Variants in ZFAND3 observed in about 807,000 individuals in gnomAD.
The protein encoded by ZFAND3 is AN1-type zinc finger protein 3.
Under a neutral mutation model 29.6 loss-of-function variants are expected in ZFAND3, and 10 were observed. The ratio of observed to expected loss-of-function variants is 0.34; its 90% CI spans 0.21 to 0.57. The LOEUF (loss-of-function observed/expected upper bound fraction) is 0.57, where lower values mean the gene tolerates loss of function less well. Ranked by LOEUF, ZFAND3 falls within the 20% of genes least tolerant of loss-of-function variation. The pLI, the probability that ZFAND3 is intolerant of heterozygous loss-of-function variation, is 0.86. For synonymous variants in ZFAND3, 128 were observed against 112.6 expected, an observed-to-expected ratio of 1.14 and a Z score of -0.87; for missense variants, 230 against 304.5, an observed-to-expected ratio of 0.76 and a Z score of 1.82.
At chr6:37,942,888 A>G (rs1306881142) in intron 2 of ZFAND3, among the ~76,000 whole-genome samples, 3 of 152,160 alleles carry the variant, frequency 2.0e-5, no homozygotes, top group Non-Finnish European at 1.5e-5. Context: ...AATAAGGAAA[A>G]CATAAAACTT....
intron 2 of ZFAND3, among the ~76,000 whole-genome samples, chr6:38,049,966 TTTGGG>T (rs1763992869): frequency 4.5e-5 from 1 of 22,464 alleles, no homozygotes; most frequent in Non-Finnish European, 8.9e-5. Context: ...TTTTTTTTTT[TTTGGG>T]GGAGACAGAG....
chr6:37,976,783 G>A (rs928596812), intron 2 of ZFAND3, among the ~76,000 whole-genome samples: 6 of 152,026 alleles, frequency 3.9e-5, no homozygotes, highest in Non-Finnish European at 5.9e-5. Context: ...AACACCATGA[G>A]CTCTTGTGAG....
intron 5 of ZFAND3, among the ~76,000 whole-genome samples, chr6:38,130,111 AG>A (rs1370483179): frequency 6.6e-6 from 1 of 152,098 alleles, no homozygotes; most frequent in East Asian, 1.9e-4. Context: ...CTATTGTAAA[AG>A]GGGTTGAGTT....
In ZFAND3 at chr6:37,914,568, G is replaced by A. The variant is rs150945626; in HGVS notation, c.72-15391G>A. 9.0e-3 allele frequency among the ~76,000 whole-genome samples: 1,372 copies of A among 152,060 alleles called. 68 individuals carry two copies. Among genetic ancestry groups the A allele is most frequent in the Admixed American group, 0.072 (1,101 of 15,292 alleles). On this transcript the variant is annotated intron_variant, in intron 1 of 5. Coordinates refer to ENST00000287218, the MANE Select transcript of ZFAND3 (RefSeq NM_021943.3). The stretch of plus-strand genomic sequence containing the variant: ...TGGCCAGGCTGGTCTTGAAATCCTG[G>A]CCTCAAGTGATCAGCCTGCCTTGGC...
intron 2 of ZFAND3, among the ~76,000 whole-genome samples, chr6:37,960,396 G>T (rs1258305864): frequency 6.6e-6 from 1 of 152,190 alleles, no homozygotes; most frequent in African/African-American, 2.4e-5. Flanking sequence ...TCAAGTCTAT[G>T]TGGGCAGCAA....
chr6:37,850,142 T>A (rs1211607918), intron 1 of ZFAND3, among the ~76,000 whole-genome samples: 1 of 152,194 alleles, frequency 6.6e-6, no homozygotes, highest in East Asian at 1.9e-4. Context: ...GAGTATCTTA[T>A]CTGAATTGGA....
chr6:38,121,286 G>C (rs1765528765), intron 5 of ZFAND3, among the ~76,000 whole-genome samples: 1 of 152,238 alleles, frequency 6.6e-6, no homozygotes, highest in South Asian at 2.1e-4. Flanking sequence ...CAAGGTGGGA[G>C]GATGGCTTTC....
intron 2 of ZFAND3, among the ~76,000 whole-genome samples, chr6:38,028,116 C>T (rs1029841185): frequency 6.6e-6 from 1 of 152,202 alleles, no homozygotes; most frequent in African/African-American, 2.4e-5. Flanking sequence ...TCCCTTCAGC[C>T]AGTATCCTAG....
rs878941097 is a variant in ZFAND3, at chr6:38,152,148, A to G, written c.530-87A>G. 3.9e-6 allele frequency: 5 copies of G among 1,294,548 alleles called. No individual in the cohort carries two copies. The Admixed American group carries it at 1.3e-4, about 35-fold the overall frequency. The allele number at this position is 1,294,548 out of a possible 1,614,324, so 80.2% of individuals were successfully genotyped here. A position where few individuals can be genotyped will look rare whatever the true frequency, so the allele number is the denominator to read the frequency against. ...TGTCCACTCACTGGGATGCCCCTCC[A>G]TCCTCTGGACAAAGGCAATTGTGAG... On this transcript the variant is annotated intron_variant, in intron 5 of 5. Transcript: ENST00000287218.
At chr6:38,028,572 T>C (rs953004045) in intron 2 of ZFAND3, among the ~76,000 whole-genome samples, 8 of 152,240 alleles carry the variant, frequency 5.3e-5, no homozygotes, top group African/African-American at 1.9e-4. Context: ...CAACTGCTGA[T>C]CTGCTTGATT....
chr6:38,081,053 A>G (rs947638595), intron 3 of ZFAND3, among the ~76,000 whole-genome samples: 2 of 152,148 alleles, frequency 1.3e-5, no homozygotes, highest in Admixed American at 1.3e-4. Context: ...TCCTCATTAC[A>G]TATAGCCTTT....
chr6:38,151,984 A>G (rs539559788), intron 5 of ZFAND3, among the ~76,000 whole-genome samples: 1 of 152,256 alleles, frequency 6.6e-6, no homozygotes, highest in Non-Finnish European at 1.5e-5. Context: ...GCAGCCATCA[A>G]CTTAGGGTTC....
At chr6:37,912,056 G>A (rs1479132394) in intron 1 of ZFAND3, among the ~76,000 whole-genome samples, 15 of 151,668 alleles carry the variant, frequency 9.9e-5, no homozygotes. Flanking sequence ...GTGTGTGTGT[G>A]TGTGTGTGTG....
intron 2 of ZFAND3, among the ~76,000 whole-genome samples, chr6:37,981,843 G>A (rs533177007): frequency 6.6e-6 from 1 of 152,094 alleles, no homozygotes; most frequent in African/African-American, 2.4e-5. Context: ...TGTGCCCAAC[G>A]TGGTCAGGGC....
intron 1 of ZFAND3, among the ~76,000 whole-genome samples, chr6:37,826,052 T>C (rs1052587887): frequency 6.6e-6 from 1 of 152,108 alleles, no homozygotes; most frequent in African/African-American, 2.4e-5. Flanking sequence ...CATGGCTTTG[T>C]GGCTGAGGCT....
At chr6:37,955,363 T>C (rs1285124270) in intron 2 of ZFAND3, among the ~76,000 whole-genome samples, 2 of 152,168 alleles carry the variant, frequency 1.3e-5, no homozygotes, top group African/African-American at 4.8e-5. Context: ...TTCTGAAAAA[T>C]AGAAAATCTC....
At chr6:37,989,471 CTT>C (rs1055113969) in intron 2 of ZFAND3, among the ~76,000 whole-genome samples, 3 of 152,142 alleles carry the variant, frequency 2.0e-5, no homozygotes, top group Non-Finnish European at 4.4e-5. Flanking sequence ...GATCAGCTCT[CTT>C]GTTTCTTTTT....
At chr6:38,032,333 A>G (rs975173990) in intron 2 of ZFAND3, among the ~76,000 whole-genome samples, 3 of 152,232 alleles carry the variant, frequency 2.0e-5, no homozygotes, top group Non-Finnish European at 2.9e-5. Flanking sequence ...CTATTTTATC[A>G]TTGAATATGT....
intron 5 of ZFAND3, among the ~76,000 whole-genome samples, chr6:38,117,673 C>G (rs11758095): frequency 0.086 from 13,017 of 152,240 alleles, 746 homozygotes; most frequent in East Asian, 0.29. Context: ...TTCTTTCTTT[C>G]TGAGAAGTCA....
Sources: allele counts gnomAD v4.1 joint callset (sites outside exome capture counted in the v4.1 genomes callset), GRCh38; gene constraint gnomAD v4.1.1; transcripts MANE v1.5; gene names NCBI Gene and HGNC (gene_info 2026-07-23, HGNC 2026-07-21).